The following C11orf58 variants were observed in gnomAD, a reference collection of about 807,000 sequenced individuals.
C11orf58 encodes chromosome 11 open reading frame 58, also known as small acidic protein.
Under a neutral mutation model 22.7 loss-of-function variants are expected in C11orf58, and 5 were observed. That is an observed-to-expected ratio of 0.22 (90% CI 0.12 to 0.46). The LOEUF (loss-of-function observed/expected upper bound fraction) is 0.46. Ranked by LOEUF, C11orf58 falls within the 20% of genes least tolerant of loss-of-function variation. C11orf58 has a pLI of 0.99. For missense variants in C11orf58, 151 were observed against 223.3 expected, an observed-to-expected ratio of 0.68 and a Z score of 2.06; for synonymous variants, 71 against 70.7, an observed-to-expected ratio of 1.00 and a Z score of -0.02.
chr11:16,754,975 G>A lies in C11orf58; in HGVS notation c.423G>A (p.Glu141=), dbSNP rs779368066. The change falls in exon 5 of 5, where the codon GAG becomes GAA. Residue 141 remains glutamate (E), a synonymous_variant. Transcript: ENST00000228136. ...CAGATGATTCTGAAAGCGATTCAGAGTCAGAGAAAGAAGAATCTGCTGAAG... is the reference window on the plus strand; with the variant it reads ...CAGATGATTCTGAAAGCGATTCAGAATCAGAGAAAGAAGAATCTGCTGAAG... ...ESPDDSESDS[E]SEKEESAEEL... is the part of the protein sequence containing the mutation. 6.2e-7 allele frequency: 1 copy of A among 1,614,150 alleles called. No homozygotes were observed. Among genetic ancestry groups the A allele is most frequent in the Admixed American group, 1.7e-5 (1 of 60,018 alleles).
At chr11:16,742,673 T>G (rs567641709) in intron 1 of C11orf58, among the ~76,000 whole-genome samples, 71 of 151,980 alleles carry the variant, frequency 4.7e-4, no homozygotes, top group Admixed American at 1.3e-3. Context: ...GAAATAGTGG[T>G]TTTTTTAAAT....
intron 4 of C11orf58, 39 bp from the exon 5 acceptor site, chr11:16,754,832 A>C: frequency 3.1e-6 from 5 of 1,606,694 alleles, no homozygotes; most frequent in Non-Finnish European, 4.2e-6. Flanking sequence ...GTATGGGCTA[A>C]TGTTTATTTT....
rs1210393112 is a variant in C11orf58 at position 16,757,576 on chromosome 11, T to A, written c.*2472T>A. ...TTTTTTAAATCAAATTGGAAAAAAA[T>A]TAGACAACTGATGTCATGCTGTCTT... On this transcript the variant is annotated 3_prime_UTR_variant, in exon 5 of 5. Coordinates refer to ENST00000228136, the MANE Select transcript of C11orf58 (RefSeq NM_014267.6). 6.6e-6 allele frequency among the ~76,000 whole-genome samples: 1 copy of A among 152,144 alleles called. No individual in the cohort carries two copies. Among genetic ancestry groups the A allele is most frequent in the African/African-American group, 2.4e-5 (1 of 41,436 alleles).
intron 1 of C11orf58, chr11:16,744,383 T>G (rs947542922): frequency 2.6e-5 from 13 of 493,964 alleles, no homozygotes; most frequent in African/African-American, 2.1e-4. Context: ...GAGACTCAGC[T>G]CTGGCTGTAG....
chr11:16,742,064 A>G (rs1397312347), intron 1 of C11orf58, among the ~76,000 whole-genome samples: 1 of 152,236 alleles, frequency 6.6e-6, no homozygotes, highest in African/African-American at 2.4e-5. Flanking sequence ...GTCTTTGAAA[A>G]GAAGAACTGG....
At chr11:16,745,812 T>C (rs890719485) in intron 2 of C11orf58, among the ~76,000 whole-genome samples, 1 of 152,262 alleles carries the variant, frequency 6.6e-6, no homozygotes, top group Non-Finnish European at 1.5e-5. Flanking sequence ...TTTCCTAACA[T>C]TGTCCTAACA....
At chr11:16,753,642 C>G (rs1265296146) in intron 4 of C11orf58, among the ~76,000 whole-genome samples, 2 of 151,982 alleles carry the variant, frequency 1.3e-5, no homozygotes, top group African/African-American at 4.8e-5. Context: ...GGATTACAGG[C>G]TTGAACCACC....
chr11:16,754,525 TAG>T (rs151242316), intron 4 of C11orf58, among the ~76,000 whole-genome samples: 2 of 122,552 alleles, frequency 1.6e-5, no homozygotes, highest in Middle Eastern at 4.0e-3. Context: ...TTTTTTTTTT[TAG>T]TTTCTCTCTC....
rs1848588603 is a variant in C11orf58 at position 16,757,352 on chromosome 11, T to C, written c.*2248T>C. Among the ~76,000 whole-genome samples, 1 of 152,182 alleles carries C rather than the reference T, an allele frequency of 6.6e-6. No individual in the cohort carries two copies. Among genetic ancestry groups the C allele is most frequent in the African/African-American group, 2.4e-5 (1 of 41,436 alleles). ...TATGGTCTTGTTTCTGATAAGGAAA[T>C]AGGAGCAACTTGTTTTAAAATAACT... On this transcript the variant is annotated 3_prime_UTR_variant, in exon 5 of 5. Coordinates refer to ENST00000228136, the MANE Select transcript of C11orf58 (RefSeq NM_014267.6).
chr11:16,743,570 A>G (rs1590072763), intron 1 of C11orf58, among the ~76,000 whole-genome samples: 2 of 152,310 alleles, frequency 1.3e-5, no homozygotes, highest in East Asian at 1.9e-4. Context: ...ATAATGATTA[A>G]TGCCTTCTGT....
At chr11:16,747,921 C>T in intron 2 of C11orf58, 176 bp from the exon 3 acceptor site, 2 of 562,184 alleles carry the variant, frequency 3.6e-6, no homozygotes, top group South Asian at 4.1e-5. Flanking sequence ...TTGCCTGTCT[C>T]CCTTCCCCAT....
At position 16,753,368 on chromosome 11, in the gene C11orf58, C is replaced by T. The variant is rs185148722; in HGVS notation, c.318+474C>T. The stretch of plus-strand genomic sequence containing the variant: ...ACAGGTGTGAGCCACCATACCCGGC[C>T]TTTTATTTTTCTTTTGGAGACAGTC... On this transcript the variant is annotated intron_variant, in intron 4 of 4. Coordinates refer to ENST00000228136, the MANE Select transcript of C11orf58 (RefSeq NM_014267.6). Among the ~76,000 whole-genome samples, 1,177 of 151,810 alleles carry T rather than the reference C, an allele frequency of 7.8e-3. 12 individuals carry two copies. Among genetic ancestry groups the T allele is most frequent in the African/African-American group, 0.027 (1,124 of 41,422 alleles).
chr11:16,744,780 A>T (rs1331414579), intron 2 of C11orf58, 96 bp downstream of exon 2: 2 of 1,133,940 alleles, frequency 1.8e-6, no homozygotes, highest in African/African-American at 3.1e-5. Flanking sequence ...CTTGGATTCC[A>T]TTTTCCTGTT....
At chr11:16,742,068 G>C (rs924514042) in intron 1 of C11orf58, among the ~76,000 whole-genome samples, 1 of 152,190 alleles carries the variant, frequency 6.6e-6, no homozygotes, top group African/African-American at 2.4e-5. Context: ...TTGAAAAGAA[G>C]AACTGGCAGG....
chr11:16,749,088 C>CTT (rs1171244279), intron 3 of C11orf58: 1 of 152,060 alleles, frequency 6.6e-6, no homozygotes, highest in African/African-American at 2.4e-5. Flanking sequence ...AAGAAATAAG[C>CTT]TTTTAAAATA....
At chr11:16,744,508 G>A in intron 1 of C11orf58, 93 bp from the exon 2 acceptor site, 1 of 954,888 alleles carries the variant, frequency 1.0e-6, no homozygotes, top group South Asian at 1.5e-5. Context: ...ACAACTGACA[G>A]GGGAAAAAAA....
chr11:16,754,895 G>C lies in C11orf58; in HGVS notation c.343G>C (p.Asp115His). 6.2e-7 allele frequency: 1 copy of C among 1,614,046 alleles called. No individual in the cohort carries two copies. The change falls in exon 5 of 5, where the codon GAT (aspartate) becomes CAT (histidine). Residue 115 changes from aspartate (D) to histidine (H), a missense_variant. Transcript: ENST00000228136. ...GGTAGAAGACCATGATGGAGAAGGT[G>C]ATGTGGCTGGAGATGATGATGATGA... ...SEVEDHDGEG[D>H]VAGDDDDDDD... is the part of the protein sequence containing the mutation.
chr11:16,753,117 G>A (rs1203645732), intron 4 of C11orf58, among the ~76,000 whole-genome samples: 1 of 151,824 alleles, frequency 6.6e-6, no homozygotes, highest in Non-Finnish European at 1.5e-5. Context: ...TTTTTGAGAT[G>A]CAGTCTCACT....
intron 1 of C11orf58, among the ~76,000 whole-genome samples, chr11:16,740,790 G>GAAA (rs34324472): frequency 1.5e-5 from 2 of 133,418 alleles, no homozygotes; most frequent in Admixed American, 7.4e-5. Flanking sequence ...AGCTGTTGCA[G>GAAA]AAAAAAAAAA....
Sources: allele counts gnomAD v4.1 joint callset (sites outside exome capture counted in the v4.1 genomes callset), GRCh38; gene constraint gnomAD v4.1.1; transcripts MANE v1.5; gene names NCBI Gene and HGNC (gene_info 2026-07-23, HGNC 2026-07-21).